Variants in PDS5A observed in about 807,000 individuals in gnomAD.
PDS5A encodes the protein PDS5 cohesin associated factor A, also known as sister chromatid cohesion protein PDS5 homolog A.
A neutral mutation model predicts 167.1 loss-of-function variants in PDS5A; 42 were observed. The ratio of observed to expected loss-of-function variants is 0.25; its 90% CI spans 0.20 to 0.33. The LOEUF (loss-of-function observed/expected upper bound fraction) is 0.33, where lower values mean the gene tolerates loss of function less well. PDS5A is among the 10% of genes least tolerant of loss of function. The probability of loss-of-function intolerance (pLI) is 1.00; values close to 1 mark genes in which losing one functional copy is unlikely to be tolerated. For synonymous variants in PDS5A, 553 were observed against 554.6 expected, an observed-to-expected ratio of 1.00 and a Z score of 0.04; for missense variants, 1,033 against 1,605.9, an observed-to-expected ratio of 0.64 and a Z score of 6.10.
intron 2 of PDS5A, among the ~76,000 whole-genome samples, chr4:39,948,787 G>A (rs1049813445): frequency 6.6e-6 from 1 of 151,632 alleles, no homozygotes; most frequent in Non-Finnish European, 1.5e-5. Context: ...ACCATGCCCG[G>A]ATAATTTTTC....
intron 32 of PDS5A, among the ~76,000 whole-genome samples, chr4:39,836,413 A>G (rs868554685): frequency 2.6e-5 from 4 of 152,226 alleles, no homozygotes; most frequent in South Asian, 4.2e-4. Context: ...ATAGCCCAAA[A>G]TTTCAGAATT....
At chr4:39,837,618 T>C (rs1054238524) in intron 32 of PDS5A, 11 of 435,340 alleles carry the variant, frequency 2.5e-5, no homozygotes, top group African/African-American at 2.0e-4. Context: ...AATAGAAATA[T>C]CAAAATACCA....
intron 31 of PDS5A, among the ~76,000 whole-genome samples, chr4:39,841,433 G>A (rs754404886): frequency 1.3e-5 from 2 of 152,152 alleles, no homozygotes; most frequent in African/African-American, 4.8e-5. Flanking sequence ...CAACGCACCA[G>A]GCCTCAATTC....
chr4:39,942,720 C>T (rs1022520645), intron 2 of PDS5A, among the ~76,000 whole-genome samples: 6 of 152,276 alleles, frequency 3.9e-5, no homozygotes, highest in South Asian at 2.1e-4. Flanking sequence ...GTTACTACAC[C>T]GTCAACTTCC....
chr4:39,892,805 G>A (rs1158360378), intron 16 of PDS5A, among the ~76,000 whole-genome samples: 1 of 152,106 alleles, frequency 6.6e-6, no homozygotes, highest in African/African-American at 2.4e-5. Flanking sequence ...GTTGAAACTT[G>A]GTTAAAAGAT....
chr4:39,955,365 G>C (rs1164096438), intron 2 of PDS5A, among the ~76,000 whole-genome samples: 1 of 152,142 alleles, frequency 6.6e-6, no homozygotes, highest in African/African-American at 2.4e-5. Context: ...ACTTTGGGAG[G>C]CTGAGGTGGG....
At chr4:39,952,231 C>T (rs899361174) in intron 2 of PDS5A, among the ~76,000 whole-genome samples, 1 of 151,548 alleles carries the variant, frequency 6.6e-6, no homozygotes, top group Admixed American at 6.6e-5. Context: ...CTCAGGAGGC[C>T]GAGGCAGGAG....
chr4:39,852,202 T>C (rs1718175775), intron 26 of PDS5A, among the ~76,000 whole-genome samples: 1 of 152,208 alleles, frequency 6.6e-6, no homozygotes, highest in South Asian at 2.1e-4. Flanking sequence ...TTGTTCAATA[T>C]AATGTTACAT....
chr4:39,859,688 C>T (rs1246201866), intron 26 of PDS5A, among the ~76,000 whole-genome samples: 6 of 152,124 alleles, frequency 3.9e-5, no homozygotes, highest in East Asian at 1.9e-4. Context: ...GAACACCACT[C>T]GCACACAATT....
intron 2 of PDS5A, among the ~76,000 whole-genome samples, chr4:39,930,774 T>C (rs1262427407): frequency 2.6e-5 from 4 of 152,042 alleles, no homozygotes; most frequent in African/African-American, 7.2e-5. Flanking sequence ...CTTCCCTAAA[T>C]ATTTAGGGAA....
At chr4:39,837,739 C>G in intron 32 of PDS5A, 117 bp downstream of exon 32, 1 of 698,468 alleles carries the variant, frequency 1.4e-6, no homozygotes, top group Non-Finnish European at 2.3e-6. Flanking sequence ...CCCAGGAAAA[C>G]CAGATGCAGG....
chr4:39,962,280 T>C (rs1194763724), intron 2 of PDS5A, among the ~76,000 whole-genome samples: 2 of 151,804 alleles, frequency 1.3e-5, no homozygotes, highest in African/African-American at 2.4e-5. Context: ...ATGGTCTTGA[T>C]CTCCTGACCT....
intron 10 of PDS5A, 121 bp downstream of exon 10, chr4:39,910,123 A>T (rs1473899090): frequency 1.9e-6 from 1 of 525,992 alleles, no homozygotes; most frequent in Non-Finnish European, 3.4e-6. Flanking sequence ...TGCACAACAA[A>T]TGAAAACACG....
At chr4:39,903,131 G>C (rs1044861891) in intron 12 of PDS5A, among the ~76,000 whole-genome samples, 2 of 152,210 alleles carry the variant, frequency 1.3e-5, no homozygotes, top group African/African-American at 4.8e-5. Context: ...ATCCGCGGTA[G>C]AGCTAATTCT....
Position 39,885,574 on chromosome 4 carries a change from G to A in PDS5A, c.1886+4675C>T, listed in dbSNP as rs76403517. On this transcript the variant is annotated intron_variant, in intron 17 of 32. Transcript: ENST00000303538. ...CGTGCATTTCAGCCTGGGCGACAGA[G>A]TGAGATCGTGTATCCAAAAAAGTAA... Among the ~76,000 whole-genome samples, 628 of 152,202 alleles carry A rather than the reference G, an allele frequency of 4.1e-3. 4 individuals carry two copies. Among genetic ancestry groups the A allele is most frequent in the African/African-American group, 0.015 (608 of 41,524 alleles).
rs1449566586 is a variant in PDS5A, at chr4:39,956,374, TCC to T, written c.138+20064_138+20065del. Among the ~76,000 whole-genome samples the T allele has an allele frequency of 2.0e-5, 3 of 150,904 alleles. No homozygotes were observed. The East Asian group carries it at 5.9e-4, about 30-fold the overall frequency. ...CAGGTATGGTGGCTCATGCCTGTAGTCCCAGCTACTTGGGAGGCTGAGGTGGG... is the reference window on the plus strand; with the variant it reads ...CAGGTATGGTGGCTCATGCCTGTAGTCAGCTACTTGGGAGGCTGAGGTGGG... On this transcript the variant is annotated intron_variant, in intron 2 of 32. Transcript: ENST00000303538.
intron 9 of PDS5A, among the ~76,000 whole-genome samples, 192 bp downstream of exon 9, chr4:39,913,419 C>T (rs1724070682): frequency 6.6e-6 from 1 of 152,094 alleles, no homozygotes; most frequent in African/African-American, 2.4e-5. Context: ...AAGAGTTACA[C>T]AGATAAAATA....
At chr4:39,850,868 T>A (rs548104777) in intron 26 of PDS5A, among the ~76,000 whole-genome samples, 2 of 152,332 alleles carry the variant, frequency 1.3e-5, no homozygotes, top group African/African-American at 4.8e-5. Flanking sequence ...GGGCCTGTTT[T>A]TACAAAGATC....
intron 17 of PDS5A, among the ~76,000 whole-genome samples, chr4:39,889,298 G>A (rs935274395): frequency 2.0e-5 from 3 of 152,212 alleles, no homozygotes; most frequent in Non-Finnish European, 4.4e-5. Context: ...AAAAATTGCT[G>A]ATACCTTGGA....
Sources: gnomAD v4.1 joint callset for allele counts (sites outside exome capture counted in the v4.1 genomes callset) on GRCh38, gnomAD v4.1.1 for gene constraint, MANE v1.5 for transcripts, NCBI Gene and HGNC (gene_info 2026-07-23, HGNC 2026-07-21) for gene names.